The following GALNT17 variants were observed in gnomAD, a reference collection of about 807,000 sequenced individuals.
GALNT17 encodes polypeptide N-acetylgalactosaminyltransferase 17, also known as UDP-GalNAc:polypeptide N-acetylgalactosaminyltransferase-like 3.
Under a neutral mutation model 63.7 loss-of-function variants are expected in GALNT17, and 29 were observed. The ratio of observed to expected loss-of-function variants is 0.46; its 90% CI spans 0.34 to 0.62. The LOEUF is 0.62. Among genes scored for constraint, GALNT17 ranks in the 20% least tolerant of loss-of-function variants. The pLI, the probability that GALNT17 is intolerant of heterozygous loss-of-function variation, is 0.01. For synonymous variants in GALNT17, 305 were observed against 318.3 expected (o/e 0.96, Z 0.45); for missense variants, 603 against 799.6 (o/e 0.75, Z 2.97).
At chr7:71,239,128 A>G (rs1789947525) in intron 1 of GALNT17, among the ~76,000 whole-genome samples, 2 of 152,164 alleles carry the variant, frequency 1.3e-5, no homozygotes, top group South Asian at 4.1e-4. Flanking sequence ...AAGCTATGCT[A>G]TGCCCAAATT....
intron 5 of GALNT17, among the ~76,000 whole-genome samples, chr7:71,473,073 G>A (rs1389622125): frequency 6.6e-6 from 1 of 152,228 alleles, no homozygotes; most frequent in Non-Finnish European, 1.5e-5. Context: ...ATATCTTGAA[G>A]TGTGAGGGAG....
chr7:71,416,139 GA>G (rs1793522497), intron 4 of GALNT17, 76 bp downstream of exon 4: 3 of 1,499,818 alleles, frequency 2.0e-6, no homozygotes, highest in Non-Finnish European at 2.7e-6. Context: ...TGGGAGGTGG[GA>G]CATTTCACCT....
chr7:71,381,849 C>T (rs1792852875), intron 2 of GALNT17, among the ~76,000 whole-genome samples: 1 of 152,142 alleles, frequency 6.6e-6, no homozygotes, highest in South Asian at 2.1e-4. Context: ...TTTGCAGCTG[C>T]ATGAATGTGA....
At chr7:71,332,220 T>C (rs1434264288) in intron 1 of GALNT17, among the ~76,000 whole-genome samples, 3 of 152,074 alleles carry the variant, frequency 2.0e-5, no homozygotes, top group African/African-American at 4.8e-5. Context: ...AAGTCCTGGA[T>C]TGCAATTTTT....
At chr7:71,656,846 G>A (rs890865399) in intron 6 of GALNT17, among the ~76,000 whole-genome samples, 3 of 152,136 alleles carry the variant, frequency 2.0e-5, no homozygotes, top group African/African-American at 7.2e-5. Context: ...AGTGACGGAG[G>A]TCGTGGGGAG....
chr7:71,553,329 T>TA (rs111305688), intron 5 of GALNT17, among the ~76,000 whole-genome samples: 166 of 146,326 alleles, frequency 1.1e-3, no homozygotes, highest in Non-Finnish European at 1.6e-3. Flanking sequence ...CTTGTCTCTT[T>TA]AAAAAAAAAA....
At position 71,523,902 on chromosome 7, in the gene GALNT17, G is replaced by A. The variant is rs555659722; in HGVS notation, c.963-47383G>A. On this transcript the variant is annotated intron_variant, in intron 5 of 10. Transcript: ENST00000333538. ...TGGAAGGCCGAGGTGGGCAGATCAC[G>A]AGGTCAGGAGATCGAGACCATCCTG... 2.4e-3 allele frequency among the ~76,000 whole-genome samples: 370 copies of A among 151,632 alleles called. 2 individuals carry two copies. Among genetic ancestry groups the A allele is most frequent in the African/African-American group, 8.5e-3 (351 of 41,464 alleles).
At chr7:71,146,113 G>T (rs778724164) in intron 1 of GALNT17, among the ~76,000 whole-genome samples, 1 of 152,150 alleles carries the variant, frequency 6.6e-6, no homozygotes, top group African/African-American at 2.4e-5. Context: ...CCTTCGGGAG[G>T]CGGTGGAGAC....
chr7:71,271,501 G>A (rs1790588134), intron 1 of GALNT17, among the ~76,000 whole-genome samples: 1 of 152,200 alleles, frequency 6.6e-6, no homozygotes. Context: ...CCTAGGAGCA[G>A]TTTTTGAAAG....
chr7:71,371,616 C>T (rs538551134), intron 2 of GALNT17, among the ~76,000 whole-genome samples: 48 of 152,164 alleles, frequency 3.2e-4, no homozygotes, highest in African/African-American at 1.0e-3. Context: ...CAGAGGTTTT[C>T]GGCTATTATT....
chr7:71,644,744 C>T (rs1449427249), intron 6 of GALNT17, among the ~76,000 whole-genome samples: 2 of 151,700 alleles, frequency 1.3e-5, no homozygotes. Flanking sequence ...GAGCAGAGAC[C>T]CTGTGTCTCT....
At chr7:71,398,735 GA>G (rs1484876506) in intron 3 of GALNT17, among the ~76,000 whole-genome samples, 1 of 152,126 alleles carries the variant, frequency 6.6e-6, no homozygotes, top group Non-Finnish European at 1.5e-5. Flanking sequence ...CTGAAAAGAT[GA>G]AAAAAGTTGT....
At chr7:71,396,274 G>T (rs117910651) in intron 3 of GALNT17, among the ~76,000 whole-genome samples, 2,678 of 152,178 alleles carry the variant, frequency 0.018, 30 homozygotes, top group Non-Finnish European at 0.03. Context: ...TATATCCATT[G>T]TGAGCTAATT....
intron 2 of GALNT17, among the ~76,000 whole-genome samples, chr7:71,349,979 C>A (rs1175400734): frequency 6.6e-6 from 1 of 152,190 alleles, no homozygotes; most frequent in African/African-American, 2.4e-5. Flanking sequence ...GAGTCTTGGG[C>A]TGTGCGGTAC....
At chr7:71,345,882 TAA>T (rs746150862) in intron 2 of GALNT17, among the ~76,000 whole-genome samples, 166 of 152,004 alleles carry the variant, frequency 1.1e-3, no homozygotes, top group Admixed American at 4.1e-3. Context: ...GAAAGTGCCT[TAA>T]AAAGAGTCAA....
At chr7:71,370,545 T>C (rs1270093509) in intron 2 of GALNT17, among the ~76,000 whole-genome samples, 2 of 152,138 alleles carry the variant, frequency 1.3e-5, no homozygotes, top group Non-Finnish European at 2.9e-5. Context: ...AGTACAGTTG[T>C]GTGATCTCGG....
chr7:71,508,329 G>A (rs1460005743), intron 5 of GALNT17, among the ~76,000 whole-genome samples: 1 of 152,194 alleles, frequency 6.6e-6, no homozygotes, highest in Non-Finnish European at 1.5e-5. Context: ...CTGGATCTAA[G>A]CTTTGGCAGC....
chr7:71,292,499 G>A (rs1356195327), intron 1 of GALNT17, among the ~76,000 whole-genome samples: 1 of 152,082 alleles, frequency 6.6e-6, no homozygotes, highest in Non-Finnish European at 1.5e-5. Flanking sequence ...ATTTTTAACA[G>A]TTTTATTGAG....
chr7:71,392,202 TATTC>T (rs1793064156), intron 3 of GALNT17, among the ~76,000 whole-genome samples: 1 of 152,190 alleles, frequency 6.6e-6, no homozygotes, highest in African/African-American at 2.4e-5. Flanking sequence ...TAGATGGGTT[TATTC>T]ACATCAAGAG....
Sources: gnomAD v4.1 joint callset for allele counts (sites outside exome capture counted in the v4.1 genomes callset) on GRCh38, gnomAD v4.1.1 for gene constraint, MANE v1.5 for transcripts, NCBI Gene and HGNC (gene_info 2026-07-23, HGNC 2026-07-21) for gene names.